SLC44A5: variants seen among roughly 807,000 people sequenced by gnomAD.
SLC44A5 encodes the protein solute carrier family 44 member 5.
Under a neutral mutation model 101.8 loss-of-function variants are expected in SLC44A5, and 57 were observed. That is an observed-to-expected ratio of 0.56 (90% confidence interval 0.45 to 0.70). The LOEUF is 0.70. Ranked by LOEUF, SLC44A5 falls within the 30% of genes least tolerant of loss-of-function variation. The probability of loss-of-function intolerance (pLI) is 0.00; values close to 1 mark genes in which losing one functional copy is unlikely to be tolerated. For missense variants in SLC44A5, 737 were observed against 853.1 expected, an observed-to-expected ratio of 0.86 and a Z score of 1.70; for synonymous variants, 281 against 290.9, an observed-to-expected ratio of 0.97 and a Z score of 0.35.
chr1:75,605,742 T>G (rs924830180), intron 1 of SLC44A5, among the ~76,000 whole-genome samples: 3 of 152,054 alleles, frequency 2.0e-5, no homozygotes, highest in African/African-American at 4.8e-5. Flanking sequence ...AAAAGAAATG[T>G]CTTTATTTTG....
the SLC44A5 span, among the ~76,000 whole-genome samples, chr1:75,654,970 T>C: frequency 2.6e-5 from 4 of 152,314 alleles, no homozygotes; most frequent in South Asian, 4.1e-4. Flanking sequence ...AATTTGCCTT[T>C]CTCAAATAAT....
the SLC44A5 span, chr1:75,641,581 C>A: frequency 6.6e-7 from 1 of 1,513,824 alleles, no homozygotes; most frequent in Non-Finnish European, 9.2e-7. Flanking sequence ...CATGATCTTC[C>A]CCTTCAATCA....
chr1:75,219,705 A>C (rs1647036689), intron 15 of SLC44A5, 95 bp downstream of exon 15: 2 of 773,104 alleles, frequency 2.6e-6, no homozygotes, highest in South Asian at 3.4e-5. Context: ...TACATTCCTC[A>C]TCTTCCCAGG....
At chr1:75,559,923 G>A (rs1416823780) in intron 1 of SLC44A5, among the ~76,000 whole-genome samples, 1 of 152,130 alleles carries the variant, frequency 6.6e-6, no homozygotes, top group Non-Finnish European at 1.5e-5. Flanking sequence ...ATGGCCAATA[G>A]CACATGCATA....
intron 1 of SLC44A5, among the ~76,000 whole-genome samples, chr1:75,554,228 G>T (rs945131379): frequency 2.0e-5 from 3 of 152,112 alleles, no homozygotes; most frequent in Non-Finnish European, 2.9e-5. Context: ...TGTAATCCCA[G>T]TGCTTTGAGA....
At chr1:75,598,705 A>G (rs906199211) in intron 1 of SLC44A5, among the ~76,000 whole-genome samples, 2 of 152,222 alleles carry the variant, frequency 1.3e-5, no homozygotes, top group African/African-American at 4.8e-5. Flanking sequence ...GTTCTCACTT[A>G]CAAGTGGGAG....
At chr1:75,536,862 C>T (rs1350025370) in intron 2 of SLC44A5, among the ~76,000 whole-genome samples, 3 of 138,026 alleles carry the variant, frequency 2.2e-5, no homozygotes, top group African/African-American at 7.9e-5. Context: ...AAAAATTAGC[C>T]GGGCGTAGTG....
At chr1:75,664,718 G>A in the SLC44A5 span, among the ~76,000 whole-genome samples, 3 of 151,964 alleles carry the variant, frequency 2.0e-5, no homozygotes, top group African/African-American at 7.2e-5. Context: ...TCAGGAGATC[G>A]AGACTATCCT....
At chr1:75,641,457 G>A in the SLC44A5 span, 1 of 1,375,250 alleles carries the variant, frequency 7.3e-7, no homozygotes, top group Non-Finnish European at 1.0e-6. Context: ...TTTCTAAAGA[G>A]TCTTTGACTT....
chr1:75,279,769 T>C (rs116544177), intron 5 of SLC44A5, among the ~76,000 whole-genome samples: 9,448 of 59,430 alleles, frequency 0.16, 1,012 homozygotes, highest in African/African-American at 0.4. Flanking sequence ...TGTATGTATT[T>C]TTATTTCAGG....
chr1:75,398,779 T>C (rs1570140175), intron 2 of SLC44A5, among the ~76,000 whole-genome samples: 1 of 152,316 alleles, frequency 6.6e-6, no homozygotes, highest in East Asian at 1.9e-4. Flanking sequence ...TAACAGCTTA[T>C]GTCTTTTTCA....
chr1:75,304,145 G>A (rs980287840), intron 4 of SLC44A5, among the ~76,000 whole-genome samples: 1 of 152,116 alleles, frequency 6.6e-6, no homozygotes, highest in African/African-American at 2.4e-5. Context: ...CCTATGGCCA[G>A]ACTGGTTAAT....
chr1:75,705,330 C>T, the SLC44A5 span, among the ~76,000 whole-genome samples: 23 of 152,164 alleles, frequency 1.5e-4, no homozygotes, highest in African/African-American at 5.5e-4. Flanking sequence ...GCATTGCTGT[C>T]TTTTTCTATT....
the SLC44A5 span, among the ~76,000 whole-genome samples, chr1:75,713,150 T>C: frequency 6.6e-6 from 1 of 152,230 alleles, no homozygotes; most frequent in Non-Finnish European, 1.5e-5. Flanking sequence ...CTATTACCTC[T>C]GTATTTTTAT....
At chr1:75,477,030 G>T (rs1667459611) in intron 2 of SLC44A5, among the ~76,000 whole-genome samples, 1 of 152,170 alleles carries the variant, frequency 6.6e-6, no homozygotes, top group Admixed American at 6.5e-5. Flanking sequence ...ACACCTCACA[G>T]GACCCGGTAC....
At chr1:75,392,333 T>C (rs1249822) in intron 3 of SLC44A5, among the ~76,000 whole-genome samples, 95,918 of 151,932 alleles carry the variant, frequency 0.63, 31,892 homozygotes, top group East Asian at 0.96. Flanking sequence ...TAAAAAACAA[T>C]TCCATTAAAA....
In SLC44A5 at chr1:75,203,488, C is replaced by T. The variant is rs919107547; in HGVS notation, c.*239G>A. 6.1e-5 allele frequency: 20 copies of T among 329,222 alleles called. No homozygotes were observed. Among genetic ancestry groups the T allele is most frequent in the Admixed American group, 3.4e-4 (7 of 20,460 alleles). 20.4% of individuals were successfully genotyped at this position (329,222 alleles called of 1,614,324 possible). The stretch of plus-strand genomic sequence containing the variant: ...AAACATCCAAGCCACTCTTTAAAAA[C>T]GAATTACAAAACAAATGATCTTAGT... On this transcript the variant is annotated 3_prime_UTR_variant, in exon 24 of 24. Coordinates refer to ENST00000370859, the MANE Select transcript of SLC44A5 (RefSeq NM_001130058.2).
At chr1:75,219,433 G>T in intron 15 of SLC44A5, 89 bp from the exon 16 acceptor site, 1 of 870,128 alleles carries the variant, frequency 1.1e-6, no homozygotes, top group Non-Finnish European at 1.9e-6. Context: ...AAAAGTGCAT[G>T]AGAAATTAAC....
At chr1:75,358,027 CAT>C (rs1491024271) in intron 3 of SLC44A5, among the ~76,000 whole-genome samples, 4 of 151,796 alleles carry the variant, frequency 2.6e-5, no homozygotes, top group Middle Eastern at 3.4e-3. Flanking sequence ...CACACACACA[CAT>C]ACAATACACA....
Sources: allele counts gnomAD v4.1 joint callset (sites outside exome capture counted in the v4.1 genomes callset), GRCh38; gene constraint gnomAD v4.1.1; transcripts MANE v1.5; gene names NCBI Gene and HGNC (gene_info 2026-07-23, HGNC 2026-07-21).